PDE11A: variants seen among roughly 807,000 people sequenced by gnomAD.
PDE11A encodes the protein phosphodiesterase 11A.
In PDE11A, 100 loss-of-function variants were observed where a neutral mutation model predicts 100.5. The ratio of observed to expected loss-of-function variants is 1.00; its 90% CI spans 0.85 to 1.18. The LOEUF (loss-of-function observed/expected upper bound fraction) is 1.18, where lower values mean the gene tolerates loss of function less well. Ranked by LOEUF, PDE11A falls within the 50% of genes most tolerant of loss-of-function variation. The pLI, the probability that PDE11A is intolerant of heterozygous loss-of-function variation, is 0.00. For synonymous variants in PDE11A, 381 were observed against 420.8 expected, an observed-to-expected ratio of 0.91 and a Z score of 1.16; for missense variants, 1,141 against 1,152.6, an observed-to-expected ratio of 0.99 and a Z score of 0.15.
intron 19 of PDE11A, among the ~76,000 whole-genome samples, chr2:177,629,853 T>A (rs1181784709): frequency 6.6e-6 from 1 of 152,210 alleles, no homozygotes. Flanking sequence ...TACAACTACA[T>A]CAAGCAAGAC....
chr2:178,004,513 T>C (rs1015099855), intron 2 of PDE11A, among the ~76,000 whole-genome samples: 3 of 152,184 alleles, frequency 2.0e-5, no homozygotes, highest in Non-Finnish European at 4.4e-5. Flanking sequence ...CCCCAGTAAA[T>C]AACAATTCAC....
intron 10 of PDE11A, among the ~76,000 whole-genome samples, chr2:177,766,955 C>A (rs1359173106): frequency 6.6e-6 from 1 of 152,136 alleles, no homozygotes; most frequent in African/African-American, 2.4e-5. Context: ...TATTTGTGAG[C>A]TAACAATAGA....
Position 178,072,683 on chromosome 2 carries a change from CT to C in PDE11A, c.-247del. 7.1e-7 allele frequency: 1 copy of C among 1,412,990 alleles called. No individual in the cohort carries two copies. The highest frequency in any genetic ancestry group is 1.4e-5 in the African/African-American group (1 of 69,460). 87.5% of individuals were successfully genotyped at this position (1,412,990 alleles called of 1,614,324 possible). A position where few individuals can be genotyped will look rare whatever the true frequency, so the allele number is the denominator to read the frequency against. ...CTCCGCACAGGTGCCCAGCACTGAG[CT>C]GCCGCCGCTGCCCCGGCTCCTGTTC... On this transcript the variant is annotated 5_prime_UTR_variant, in exon 1 of 20. Transcript: ENST00000286063.
intron 2 of PDE11A, among the ~76,000 whole-genome samples, chr2:178,003,698 T>C (rs1208536982): frequency 6.6e-6 from 1 of 152,140 alleles, no homozygotes; most frequent in Admixed American, 6.6e-5. Context: ...AACCACTGAA[T>C]TAAATGGAGC....
intron 19 of PDE11A, among the ~76,000 whole-genome samples, chr2:177,632,188 C>A (rs2079961459): frequency 6.6e-6 from 1 of 152,134 alleles, no homozygotes; most frequent in Non-Finnish European, 1.5e-5. Flanking sequence ...AGAAGAAAAA[C>A]CAAGGAATAA....
intron 5 of PDE11A, among the ~76,000 whole-genome samples, chr2:177,841,647 A>T (rs1422927174): frequency 6.6e-6 from 1 of 152,174 alleles, no homozygotes; most frequent in Admixed American, 6.5e-5. Flanking sequence ...AATATATCTC[A>T]TCTGTAATGA....
At chr2:177,789,895 C>T (rs1202893322) in intron 9 of PDE11A, among the ~76,000 whole-genome samples, 2 of 151,826 alleles carry the variant, frequency 1.3e-5, no homozygotes, top group South Asian at 2.1e-4. Context: ...AAAGAGGATA[C>T]AAACAAATGG....
chr2:177,823,814 G>A (rs894262250), intron 6 of PDE11A, among the ~76,000 whole-genome samples: 3 of 152,106 alleles, frequency 2.0e-5, no homozygotes, highest in South Asian at 4.1e-4. Context: ...CTGTGGGAGC[G>A]ACACATATCA....
chr2:177,765,178 A>C (rs182956020), intron 10 of PDE11A, among the ~76,000 whole-genome samples: 24 of 152,324 alleles, frequency 1.6e-4, no homozygotes, highest in African/African-American at 5.3e-4. Flanking sequence ...CAGAACAACA[A>C]CACTCTCCCT....
intron 2 of PDE11A, among the ~76,000 whole-genome samples, chr2:177,919,101 C>CTTTTTTTTTT (rs752351240): frequency 6.7e-6 from 1 of 148,706 alleles, no homozygotes; most frequent in African/African-American, 2.5e-5. Flanking sequence ...GAAGATTTAA[C>CTTTTTTTTTT]ATTTTTTTTT....
chr2:177,862,047 C>CA (rs200719353), intron 5 of PDE11A, among the ~76,000 whole-genome samples: 1 of 151,684 alleles, frequency 6.6e-6, no homozygotes, highest in Non-Finnish European at 1.5e-5. Flanking sequence ...GCACAAGTAA[C>CA]AAAAAAATTA....
At chr2:177,860,053 G>A (rs1265838126) in intron 5 of PDE11A, among the ~76,000 whole-genome samples, 5 of 151,724 alleles carry the variant, frequency 3.3e-5, no homozygotes, top group Non-Finnish European at 7.4e-5. Context: ...TCCACCTTAA[G>A]ATACTAGAAA....
chr2:177,749,737 T>C (rs984833057), intron 10 of PDE11A, among the ~76,000 whole-genome samples: 2 of 152,184 alleles, frequency 1.3e-5, no homozygotes, highest in African/African-American at 4.8e-5. Flanking sequence ...ATTATTATTA[T>C]TTTCATTATA....
chr2:177,633,862 A>G (rs185916575), intron 19 of PDE11A, among the ~76,000 whole-genome samples: 35 of 152,260 alleles, frequency 2.3e-4, no homozygotes, highest in African/African-American at 7.7e-4. Context: ...GCATTTCTCC[A>G]GAACTTATTT....
chr2:177,727,697 A>G lies in PDE11A; in HGVS notation c.2004T>C (p.His668=). 1.9e-6 allele frequency: 3 copies of G among 1,611,356 alleles called. No homozygotes were observed. The highest frequency in any genetic ancestry group is 2.5e-6 in the Non-Finnish European group (3 of 1,177,578). ...YRMVLYHNWR[H]AFNVCQLMFA... ...ACATCAGCTGACACACGTTGAAGGC[A>G]TGTCTCCAGTTGTGGTATAGAACCA... Residue 668 remains histidine (H), a synonymous_variant, in exon 12 of 20, where the codon CAT becomes CAC. Coordinates refer to ENST00000286063, the MANE Select transcript of PDE11A (RefSeq NM_016953.4).
At chr2:177,751,521 G>A (rs919543127) in intron 10 of PDE11A, among the ~76,000 whole-genome samples, 13 of 152,194 alleles carry the variant, frequency 8.5e-5, no homozygotes, top group African/African-American at 2.9e-4. Context: ...CATATCATTA[G>A]TGCAGTTTCC....
chr2:177,694,638 G>C (rs1475387593), intron 15 of PDE11A, among the ~76,000 whole-genome samples: 1 of 151,834 alleles, frequency 6.6e-6, no homozygotes, highest in Admixed American at 6.6e-5. Context: ...GGCAGAGCTG[G>C]GATTTTAATT....
intron 2 of PDE11A, among the ~76,000 whole-genome samples, chr2:177,939,430 G>A (rs1034780066): frequency 1.4e-5 from 2 of 141,956 alleles, no homozygotes; most frequent in African/African-American, 5.3e-5. Context: ...AAGGAAGGGA[G>A]GAGGAAGGGA....
At chr2:178,014,154 AT>A in intron 2 of PDE11A, 147 bp downstream of exon 2, 1 of 640,940 alleles carries the variant, frequency 1.6e-6, no homozygotes, top group Non-Finnish European at 2.8e-6. Context: ...AAAAACTCCC[AT>A]TTCATTTTGT....
Sources: gnomAD v4.1 joint callset for allele counts (sites outside exome capture counted in the v4.1 genomes callset) on GRCh38, gnomAD v4.1.1 for gene constraint, MANE v1.5 for transcripts, NCBI Gene and HGNC (gene_info 2026-07-23, HGNC 2026-07-21) for gene names.